The following PRKCE variants were observed in gnomAD, a reference collection of about 807,000 sequenced individuals.
PRKCE encodes protein kinase C epsilon, also known as protein kinase C epsilon type.
Under a neutral mutation model 85.4 loss-of-function variants are expected in PRKCE, and 16 were observed. That is an observed-to-expected ratio of 0.19 (90% CI 0.13 to 0.28). The LOEUF is 0.28. Ranked by LOEUF, PRKCE falls within the 10% of genes least tolerant of loss-of-function variation. PRKCE has a pLI of 1.00. For synonymous variants in PRKCE, 388 were observed against 371.5 expected (o/e 1.04, Z -0.51); for missense variants, 573 against 975.2 (o/e 0.59, Z 5.49).
chr2:46,083,109 G>A (rs142598209), intron 10 of PRKCE, among the ~76,000 whole-genome samples: 162 of 152,284 alleles, frequency 1.1e-3, no homozygotes, highest in African/African-American at 3.8e-3. Context: ...GCGCCACCAT[G>A]CCCAGCTAAT....
chr2:45,936,796 A>G (rs540198369), intron 2 of PRKCE, among the ~76,000 whole-genome samples: 32 of 152,344 alleles, frequency 2.1e-4, no homozygotes, highest in African/African-American at 7.7e-4. Flanking sequence ...CCACTGGTGT[A>G]GGGAATGTCT....
chr2:45,937,937 G>T (rs909816170), intron 2 of PRKCE, among the ~76,000 whole-genome samples: 2 of 152,176 alleles, frequency 1.3e-5, no homozygotes, highest in African/African-American at 4.8e-5. Context: ...CAGACTGCAG[G>T]TCTTGCTGGA....
chr2:45,759,218 A>G (rs1448762006), intron 1 of PRKCE, among the ~76,000 whole-genome samples: 1 of 152,194 alleles, frequency 6.6e-6, no homozygotes, highest in African/African-American at 2.4e-5. Context: ...ATAAAATGAC[A>G]AATAAGTGAC....
intron 2 of PRKCE, among the ~76,000 whole-genome samples, chr2:45,948,335 CA>C (rs764598604): frequency 5.9e-5 from 9 of 152,110 alleles, no homozygotes; most frequent in Non-Finnish European, 1.3e-4. Context: ...CCATAGTTAG[CA>C]AATATAAAAA....
At chr2:46,172,117 T>C (rs943201553) in intron 14 of PRKCE, among the ~76,000 whole-genome samples, 3 of 152,216 alleles carry the variant, frequency 2.0e-5, no homozygotes, top group Admixed American at 6.5e-5. Flanking sequence ...GTGGAGAGAA[T>C]GGCTGTGGCT....
At chr2:45,818,690 C>T (rs1034417710) in intron 1 of PRKCE, among the ~76,000 whole-genome samples, 10 of 152,248 alleles carry the variant, frequency 6.6e-5, no homozygotes, top group East Asian at 1.9e-4. Flanking sequence ...CCTCTGGCTT[C>T]GGGGGAGAGT....
intron 2 of PRKCE, among the ~76,000 whole-genome samples, chr2:45,904,612 G>C (rs1696832368): frequency 6.6e-6 from 1 of 152,168 alleles, no homozygotes; most frequent in South Asian, 2.1e-4. Flanking sequence ...AGCTCCATGT[G>C]CGTTGATGAT....
chr2:45,975,619 G>A (rs1188140218), intron 2 of PRKCE, among the ~76,000 whole-genome samples: 1 of 152,150 alleles, frequency 6.6e-6, no homozygotes, highest in African/African-American at 2.4e-5. Context: ...TTAATTTTGA[G>A]GGGGCAAAAA....
At chr2:45,668,030 T>G (rs1318653404) in intron 1 of PRKCE, among the ~76,000 whole-genome samples, 1 of 152,168 alleles carries the variant, frequency 6.6e-6, no homozygotes, top group Non-Finnish European at 1.5e-5. Flanking sequence ...ATATAATGCA[T>G]AGAAAGTGCA....
chr2:46,110,011 A>G (rs1558465150), intron 11 of PRKCE, among the ~76,000 whole-genome samples: 2 of 152,114 alleles, frequency 1.3e-5, no homozygotes, highest in Non-Finnish European at 2.9e-5. Context: ...TTGATTTTCA[A>G]ATGTTGAACC....
At chr2:45,790,326 T>C (rs1339887181) in intron 1 of PRKCE, among the ~76,000 whole-genome samples, 1 of 152,078 alleles carries the variant, frequency 6.6e-6, no homozygotes, top group African/African-American at 2.4e-5. Flanking sequence ...AATATGAAAA[T>C]GTGTCGAGGG....
intron 1 of PRKCE, among the ~76,000 whole-genome samples, chr2:45,678,692 ATT>A (rs11366704): frequency 1.3e-5 from 2 of 149,588 alleles, no homozygotes; most frequent in African/African-American, 2.4e-5. Flanking sequence ...AATTATCTGG[ATT>A]TTTTTTTTTC....
At chr2:45,879,275 T>C (rs1041553737) in intron 2 of PRKCE, among the ~76,000 whole-genome samples, 1 of 152,228 alleles carries the variant, frequency 6.6e-6, no homozygotes, top group Non-Finnish European at 1.5e-5. Flanking sequence ...ATGGCCAGAC[T>C]TCAGGGGAAG....
intron 1 of PRKCE, among the ~76,000 whole-genome samples, chr2:45,751,075 TG>T (rs1383408566): frequency 6.6e-6 from 1 of 152,350 alleles, no homozygotes; most frequent in East Asian, 1.9e-4. Flanking sequence ...GGACCACCTT[TG>T]GTTCCCCAAG....
intron 5 of PRKCE, among the ~76,000 whole-genome samples, chr2:45,981,621 C>T (rs1404614628): frequency 2.0e-5 from 3 of 152,220 alleles, no homozygotes; most frequent in Admixed American, 2.0e-4. Context: ...AGCACCTGCA[C>T]CTCCCGACTC....
At chr2:45,943,111 C>T (rs975815767) in intron 2 of PRKCE, among the ~76,000 whole-genome samples, 74 of 152,108 alleles carry the variant, frequency 4.9e-4, no homozygotes, top group African/African-American at 1.5e-3. Flanking sequence ...TGTATCTCGG[C>T]GCTAGGATTC....
At chr2:45,673,775 G>C (rs1676288509) in intron 1 of PRKCE, among the ~76,000 whole-genome samples, 2 of 152,212 alleles carry the variant, frequency 1.3e-5, no homozygotes, top group Non-Finnish European at 2.9e-5. Flanking sequence ...CTATTAGCCA[G>C]ATTTTCTGAA....
intron 11 of PRKCE, among the ~76,000 whole-genome samples, chr2:46,116,611 G>A (rs542319769): frequency 8.6e-4 from 131 of 152,198 alleles, no homozygotes; most frequent in African/African-American, 3.1e-3. Flanking sequence ...GATGGGATTT[G>A]GTCTGTGTAG....
intron 1 of PRKCE, among the ~76,000 whole-genome samples, chr2:45,803,473 C>T (rs1295382941): frequency 6.6e-6 from 1 of 152,194 alleles, no homozygotes; most frequent in Non-Finnish European, 1.5e-5. Flanking sequence ...TAGAAGATAG[C>T]TTGTGGCTAT....
Sources: gnomAD v4.1 joint callset for allele counts (sites outside exome capture counted in the v4.1 genomes callset) on GRCh38, gnomAD v4.1.1 for gene constraint, MANE v1.5 for transcripts, NCBI Gene and HGNC (gene_info 2026-07-23, HGNC 2026-07-21) for gene names.